GOLM1: variants seen among roughly 807,000 people sequenced by gnomAD.
GOLM1 encodes epididymis luminal protein 46.
Under a neutral mutation model 50.5 loss-of-function variants are expected in GOLM1, and 31 were observed. The observed-to-expected ratio is 0.61, with a 90% CI of 0.46 to 0.83. The LOEUF (loss-of-function observed/expected upper bound fraction) is 0.83, where lower values mean the gene tolerates loss of function less well. Ranked by LOEUF, GOLM1 falls within the 40% of genes least tolerant of loss-of-function variation. The pLI, the probability that GOLM1 is intolerant of heterozygous loss-of-function variation, is 0.00. For missense variants in GOLM1, 491 were observed against 501.3 expected (o/e 0.98, Z 0.20); for synonymous variants, 178 against 192.8 (o/e 0.92, Z 0.64).
chr9:86,045,494 G>C (rs1833507367), intron 5 of GOLM1, among the ~76,000 whole-genome samples: 1 of 151,568 alleles, frequency 6.6e-6, no homozygotes, highest in Admixed American at 6.6e-5. Context: ...CTGACATGGT[G>C]AAACTCCATC....
intron 3 of GOLM1, among the ~76,000 whole-genome samples, chr9:86,057,923 G>T (rs1417314845): frequency 6.6e-6 from 1 of 152,160 alleles, no homozygotes; most frequent in Non-Finnish European, 1.5e-5. Context: ...CTGCTTTGAG[G>T]GCGTGAGTCC....
chr9:86,087,420 A>G (rs754437951), intron 1 of GOLM1, among the ~76,000 whole-genome samples: 9 of 152,124 alleles, frequency 5.9e-5, no homozygotes, highest in Non-Finnish European at 1.2e-4. Context: ...CTCTCTTCCT[A>G]TTTGAATACA....
chr9:86,052,714 G>C, intron 3 of GOLM1, 123 bp from the exon 4 acceptor site: 1 of 759,172 alleles, frequency 1.3e-6, no homozygotes, highest in Non-Finnish European at 2.3e-6. Flanking sequence ...GAAGGAGCTC[G>C]CACTCAGCGC....
chr9:86,072,738 A>G (rs1200636389), intron 3 of GOLM1, among the ~76,000 whole-genome samples: 1 of 152,186 alleles, frequency 6.6e-6, no homozygotes, highest in Non-Finnish European at 1.5e-5. Flanking sequence ...GAAATGCATC[A>G]TTATGAGATT....
intron 5 of GOLM1, among the ~76,000 whole-genome samples, chr9:86,044,770 G>A (rs1833478893): frequency 6.6e-6 from 1 of 152,046 alleles, no homozygotes; most frequent in Admixed American, 6.6e-5. Flanking sequence ...TAGCCAACAA[G>A]GTGAAACCCC....
At chr9:86,033,501 A>G (rs1833044616) in intron 8 of GOLM1, 106 bp from the exon 9 acceptor site, 1 of 697,124 alleles carries the variant, frequency 1.4e-6, no homozygotes, top group Non-Finnish European at 2.5e-6. Flanking sequence ...TCACAATCAG[A>G]TCTGTCTGCT....
intron 3 of GOLM1, among the ~76,000 whole-genome samples, chr9:86,053,339 ACGC>A: frequency 2.2e-5 from 2 of 89,256 alleles, no homozygotes; most frequent in African/African-American, 3.9e-5. Flanking sequence ...ACACTACACC[ACGC>A]CACAACTCCA....
chr9:86,035,653 C>G (rs566560864), intron 7 of GOLM1, 28 bp from the exon 8 acceptor site: 2 of 1,414,878 alleles, frequency 1.4e-6, no homozygotes, highest in Non-Finnish European at 1.9e-6. Flanking sequence ...TTAGCTGTGA[C>G]CTTGCCAGCA....
chr9:86,095,086 A>AG, intron 1 of GOLM1, among the ~76,000 whole-genome samples: 1 of 151,630 alleles, frequency 6.6e-6, no homozygotes, highest in East Asian at 1.9e-4. Context: ...AAAAAAAAAA[A>AG]AAGAAAAAGA....
intron 3 of GOLM1, among the ~76,000 whole-genome samples, chr9:86,064,032 C>G (rs1834237816): frequency 2.6e-5 from 4 of 152,238 alleles, no homozygotes; most frequent in Admixed American, 2.6e-4. Context: ...TCTGAGTCTT[C>G]TCCTGAGGTC....
Position 86,027,073 on chromosome 9 carries a change from A to G in GOLM1, c.*744T>C. ...TAATCTGCTTCTTGCTTTTCTTGGTAATATATATTTAGGGAAGATGTTGCT... is the reference window on the plus strand; with the variant it reads ...TAATCTGCTTCTTGCTTTTCTTGGTGATATATATTTAGGGAAGATGTTGCT... On this transcript the variant is annotated 3_prime_UTR_variant, in exon 10 of 10. Transcript: ENST00000388712. 1.0e-6 allele frequency: 1 copy of G among 985,146 alleles called. No homozygotes were observed. Among genetic ancestry groups the G allele is most frequent in the Non-Finnish European group, 1.2e-6 (1 of 829,776 alleles). 61.0% of individuals were successfully genotyped at this position (985,146 alleles called of 1,614,324 possible).
chr9:86,035,098 AC>A, intron 8 of GOLM1: 1 of 985,198 alleles, frequency 1.0e-6, no homozygotes, highest in Non-Finnish European at 1.2e-6. Flanking sequence ...GATGCTAAGC[AC>A]CCATCTGCAG....
At chr9:86,035,932 G>A (rs1185586287) in intron 7 of GOLM1, among the ~76,000 whole-genome samples, 2 of 149,110 alleles carry the variant, frequency 1.3e-5, no homozygotes, top group Admixed American at 1.3e-4. Context: ...GGTACAAAGG[G>A]AAAAGGGTAT....
At chr9:86,085,237 G>A (rs909507978) in intron 1 of GOLM1, among the ~76,000 whole-genome samples, 2 of 152,160 alleles carry the variant, frequency 1.3e-5, no homozygotes, top group Non-Finnish European at 2.9e-5. Flanking sequence ...GAGTACAAAT[G>A]AGTGTCTTTT....
chr9:86,083,536 C>T (rs778402115), intron 1 of GOLM1, among the ~76,000 whole-genome samples: 7 of 152,138 alleles, frequency 4.6e-5, no homozygotes, highest in Non-Finnish European at 8.8e-5. Context: ...AGGTGGCCAC[C>T]ACCACACCCA....
intron 2 of GOLM1, 119 bp from the exon 3 acceptor site, chr9:86,077,710 A>T (rs1834661785): frequency 1.5e-6 from 1 of 685,694 alleles, no homozygotes; most frequent in South Asian, 1.8e-5. Flanking sequence ...TTATACACAC[A>T]AGTGCCCAAG....
intron 9 of GOLM1, among the ~76,000 whole-genome samples, chr9:86,030,881 A>G (rs1307677584): frequency 6.6e-6 from 1 of 152,264 alleles, no homozygotes; most frequent in Non-Finnish European, 1.5e-5. Context: ...TGTAAGTATT[A>G]AAACATTAAA....
chr9:86,080,477 G>A (rs1047595502), intron 1 of GOLM1, among the ~76,000 whole-genome samples: 5 of 152,134 alleles, frequency 3.3e-5, no homozygotes, highest in African/African-American at 1.2e-4. Context: ...GAGGAAAGGG[G>A]ATGGTGGGCA....
intron 1 of GOLM1, among the ~76,000 whole-genome samples, chr9:86,098,772 AG>A (rs1835429645): frequency 6.6e-6 from 1 of 152,214 alleles, no homozygotes; most frequent in Non-Finnish European, 1.5e-5. Flanking sequence ...ACGTTGGCAA[AG>A]GTGGAAACAC....
Sources: allele counts gnomAD v4.1 joint callset (sites outside exome capture counted in the v4.1 genomes callset), GRCh38; gene constraint gnomAD v4.1.1; transcripts MANE v1.5; gene names NCBI Gene and HGNC (gene_info 2026-07-23, HGNC 2026-07-21).